CRYBA1: variants seen among roughly 807,000 people sequenced by gnomAD.
CRYBA1 encodes the protein beta-crystallin A3.
CRYBA1 carries 25 observed loss-of-function variants against 36.2 expected under a neutral mutation model. The ratio of observed to expected loss-of-function variants is 0.69; its 90% CI spans 0.50 to 0.97. The LOEUF (loss-of-function observed/expected upper bound fraction) is 0.97, where lower values mean the gene tolerates loss of function less well. Among genes scored for constraint, CRYBA1 ranks in the 50% least tolerant of loss-of-function variants. The probability of loss-of-function intolerance (pLI) is 0.00; values close to 1 mark genes in which losing one functional copy is unlikely to be tolerated. For missense variants in CRYBA1, 224 were observed against 276.3 expected, an observed-to-expected ratio of 0.81 and a Z score of 1.34; for synonymous variants, 111 against 90.0, an observed-to-expected ratio of 1.23 and a Z score of -1.32.
At chr17:29,250,325 G>A (rs371036669) in intron 3 of CRYBA1, 25 bp downstream of exon 3, 75 of 1,325,144 alleles carry the variant, frequency 5.7e-5, no homozygotes, top group Non-Finnish European at 7.3e-5. Flanking sequence ...CCGCAGAACC[G>A]CAGCCCCTTA....
rs760920795 is a variant in CRYBA1, at chr17:29,253,810, A to G, written c.500+28A>G. ...AAGTACAAAAACAGGGTTGGAATAT[A>G]CTTCAAAGTAACTCCTGAGGTTGCA... On this transcript the variant is annotated intron_variant, in intron 5 of 5. Coordinates refer to ENST00000225387, the MANE Select transcript of CRYBA1 (RefSeq NM_005208.5). The G allele has an allele frequency of 2.2e-5, 35 of 1,613,568 alleles. No homozygotes were observed. In the South Asian group the frequency reaches 3.8e-4, roughly 18 times the overall value.
Position 29,254,477 on chromosome 17 carries a change from T to A in CRYBA1, c.*128T>A. On this transcript the variant is annotated 3_prime_UTR_variant, in exon 6 of 6. Transcript: ENST00000225387. ...TAGCTGCTGAAATCCACAATAAACG[T>A]CATTTAAAAAAAAAAAACTTTGTAG... 3 of 999,688 alleles carry A rather than the reference T, an allele frequency of 3.0e-6. No homozygotes were observed. Among genetic ancestry groups the A allele is most frequent in the Middle Eastern group, 2.2e-4 (1 of 4,558 alleles). 61.9% of individuals were successfully genotyped at this position (999,688 alleles called of 1,614,324 possible). A position where few individuals can be genotyped will look rare whatever the true frequency, so the allele number is the denominator to read the frequency against.
chr17:29,253,551 A>G (rs2068948733), intron 4 of CRYBA1, 89 bp from the exon 5 acceptor site: 1 of 1,099,618 alleles, frequency 9.1e-7, no homozygotes, highest in Admixed American at 2.0e-5. Flanking sequence ...TTCCTTGTAT[A>G]ATCCAAAAGT....
intron 1 of CRYBA1, among the ~76,000 whole-genome samples, chr17:29,247,505 A>T (rs573515952): frequency 6.6e-6 from 1 of 152,274 alleles, no homozygotes; most frequent in African/African-American, 2.4e-5. Context: ...CATTTAAAAC[A>T]GGGCCGGACA....
At chr17:29,249,523 C>T (rs758427843) in intron 2 of CRYBA1, among the ~76,000 whole-genome samples, 31 of 152,164 alleles carry the variant, frequency 2.0e-4, no homozygotes, top group Admixed American at 3.9e-4. Context: ...AATGAGGGCC[C>T]ATAAAGATAT....
At chr17:29,250,442 C>A in intron 3 of CRYBA1, 142 bp downstream of exon 3, 1 of 725,530 alleles carries the variant, frequency 1.4e-6, no homozygotes, top group Non-Finnish European at 2.5e-6. Context: ...GAAATCACTA[C>A]ATGCATAATT....
chr17:29,251,559 C>T (rs978258136), intron 3 of CRYBA1, among the ~76,000 whole-genome samples: 1 of 151,950 alleles, frequency 6.6e-6, no homozygotes, highest in African/African-American at 2.4e-5. Flanking sequence ...GTGGCACAAT[C>T]ATGGCTCACT....
intron 4 of CRYBA1, 138 bp downstream of exon 4, chr17:29,252,343 A>C: frequency 2.4e-6 from 3 of 1,243,094 alleles, no homozygotes; most frequent in South Asian, 1.3e-5. Flanking sequence ...AAGAGAAAAC[A>C]TCACTTTCTT....
intron 4 of CRYBA1, among the ~76,000 whole-genome samples, chr17:29,253,282 A>G (rs1024452882): frequency 2.0e-5 from 3 of 152,236 alleles, no homozygotes; most frequent in Non-Finnish European, 2.9e-5. Context: ...TACACACGCA[A>G]GCGCACACAT....
Position 29,254,267 on chromosome 17 carries a change from G to C in CRYBA1, c.566G>C (p.Gly189Ala), listed in dbSNP as rs1184049195. 1 of 1,613,994 alleles carries C rather than the reference G, an allele frequency of 6.2e-7. No individual in the cohort carries two copies. The highest frequency in any genetic ancestry group is 1.3e-5 in the African/African-American group (1 of 75,018). ...YQYILECDHH[G>A]GDYKHWREWG... ...TATATCTTGGAATGTGACCATCATG[G>C]AGGAGACTATAAACATTGGAGAGAG... Residue 189 changes from glycine to alanine, a missense_variant, in exon 6 of 6, where the codon GGA (glycine) becomes GCA (alanine). Gly to Ala is a moderately conservative substitution (Grantham distance 60, BLOSUM62 0). Coordinates refer to ENST00000225387, the MANE Select transcript of CRYBA1 (RefSeq NM_005208.5).
chr17:29,248,428 G>A (rs10221259), intron 1 of CRYBA1, among the ~76,000 whole-genome samples: 3 of 149,284 alleles, frequency 2.0e-5, no homozygotes, highest in Non-Finnish European at 3.0e-5. Flanking sequence ...GCAGTGGCAC[G>A]ATCTCAGCTC....
intron 2 of CRYBA1, 140 bp downstream of exon 2, chr17:29,249,346 T>C (rs2068921599): frequency 4.6e-6 from 3 of 646,018 alleles, no homozygotes; most frequent in Non-Finnish European, 8.3e-6. Context: ...CAAGCTCCAG[T>C]GCTGTCGAAG....
Position 29,252,110 on chromosome 17 carries a change from C to A in CRYBA1, c.262C>A (p.Leu88Met). The A allele has an allele frequency of 6.2e-7, 1 of 1,614,128 alleles. No individual in the cohort carries two copies. Among genetic ancestry groups the A allele is most frequent in the African/African-American group, 1.3e-5 (1 of 75,026 alleles). The change falls in exon 4 of 6, where the codon CTG (leucine) becomes ATG (methionine). Residue 88 changes from leucine to methionine, a missense_variant. Leu to Met is a conservative substitution (Grantham distance 15). Transcript: ENST00000225387. The part of the protein sequence containing the change: ...HTSFCGQQFI[L>M]ERGEYPRWDA... ...CAGCTTCTGTGGGCAACAGTTTATC[C>A]TGGAGAGAGGAGAATACCCTCGCTG...
rs771642500 is a variant in CRYBA1 at position 29,249,151 on chromosome 17, C to T, written c.41C>T (p.Pro14Leu). The change falls in exon 2 of 6, where the codon CCA becomes CTA. Residue 14 changes from proline to leucine, a missense_variant. Coordinates refer to ENST00000225387, the MANE Select transcript of CRYBA1 (RefSeq NM_005208.5). ...GTGCTCTGTCTTCCAGAAACCCTTC[C>T]AACCACCAAGATGGCTCAGACCAAC... is the stretch of plus-strand genomic sequence containing the variant. ...QAEQQELETL[P>L]TTKMAQTNPT... The T allele has an allele frequency of 1.2e-6, 2 of 1,612,532 alleles. No homozygotes were observed. Among genetic ancestry groups the T allele is most frequent in the Non-Finnish European group, 1.7e-6 (2 of 1,178,550 alleles).
chr17:29,254,482 T>TAAA lies in CRYBA1; in HGVS notation c.*143_*145dup. 11 of 722,076 alleles carry TAAA rather than the reference T, an allele frequency of 1.5e-5. No individual in the cohort carries two copies. The highest frequency in any genetic ancestry group is 2.2e-5 in the Non-Finnish European group (10 of 459,170). 44.7% of individuals were successfully genotyped at this position (722,076 alleles called of 1,614,324 possible). ...GCTGAAATCCACAATAAACGTCATT[T>TAAA]AAAAAAAAAAAACTTTGTAGACTGA... On this transcript the variant is annotated 3_prime_UTR_variant, in exon 6 of 6. Coordinates refer to ENST00000225387, the MANE Select transcript of CRYBA1 (RefSeq NM_005208.5).
intron 3 of CRYBA1, 143 bp from the exon 4 acceptor site, chr17:29,251,919 CTT>C: frequency 1.9e-6 from 2 of 1,030,540 alleles, no homozygotes; most frequent in Non-Finnish European, 3.0e-6. Flanking sequence ...TTCCTCAACT[CTT>C]GTGACAAATT....
At position 29,252,084 on chromosome 17, in the gene CRYBA1, C is replaced by T; in HGVS notation, c.236C>T (p.Thr79Ile). 6.2e-7 allele frequency: 1 copy of T among 1,614,168 alleles called. No individual in the cohort carries two copies. Among genetic ancestry groups the T allele is most frequent in the Non-Finnish European group, 8.5e-7 (1 of 1,180,036 alleles). ...ESGAWIGYEH[T>I]SFCGQQFILE... ...GGCAGCTGGATTGGTTATGAGCATA[C>T]CAGCTTCTGTGGGCAACAGTTTATC... The change falls in exon 4 of 6, where the codon ACC becomes ATC. Residue 79 changes from threonine to isoleucine, a missense_variant. Transcript: ENST00000225387.
chr17:29,254,091 TA>T, intron 5 of CRYBA1, 110 bp from the exon 6 acceptor site: 1 of 1,244,286 alleles, frequency 8.0e-7, no homozygotes, highest in Non-Finnish European at 1.1e-6. Context: ...CTATTTTTTC[TA>T]AGCCTAAAAG....
rs1380012052 is a variant in CRYBA1 at position 29,253,747 on chromosome 17, C to A, written c.465C>A (p.Asn155Lys). ...CCTTGCAAGCCATGGGCTGGTTCAA[C>A]AACGAAGTCGGCTCCATGAAGATAC... ...YPSLQAMGWF[N>K]NEVGSMKIQS... is the part of the protein sequence containing the mutation. The change falls in exon 5 of 6, where the codon AAC (asparagine) becomes AAA (lysine). Residue 155 changes from asparagine to lysine, a missense_variant. Transcript: ENST00000225387. The A allele has an allele frequency of 1.2e-5, 20 of 1,614,060 alleles. No homozygotes were observed. The highest frequency in any genetic ancestry group is 1.6e-5 in the Non-Finnish European group (19 of 1,180,038).
Sources: gnomAD v4.1 joint callset for allele counts (sites outside exome capture counted in the v4.1 genomes callset) on GRCh38, gnomAD v4.1.1 for gene constraint, MANE v1.5 for transcripts, NCBI Gene and HGNC (gene_info 2026-07-23, HGNC 2026-07-21) for gene names.